The following LHPP variants were observed in gnomAD, a reference collection of about 807,000 sequenced individuals.
LHPP encodes phospholysine phosphohistidine inorganic pyrophosphate phosphatase, also known as hLHPP.
Under a neutral mutation model 30.3 loss-of-function variants are expected in LHPP, and 24 were observed. The observed-to-expected ratio is 0.79, with a 90% CI of 0.57 to 1.11. The LOEUF (loss-of-function observed/expected upper bound fraction) is 1.11, where lower values mean the gene tolerates loss of function less well. Among genes scored for constraint, LHPP ranks in the 50% most tolerant of loss-of-function variants. The probability of loss-of-function intolerance (pLI) is 0.00; values close to 1 mark genes in which losing one functional copy is unlikely to be tolerated. For synonymous variants in LHPP, 150 were observed against 157.1 expected (o/e 0.95, Z 0.34); for missense variants, 356 against 367.2 (o/e 0.97, Z 0.25).
intron 5 of LHPP, among the ~76,000 whole-genome samples, chr10:124,506,901 GAGGATTTCAGGTTGGGGGGTAGAC>G (rs1217197828): frequency 3.1e-5 from 1 of 32,336 alleles, no homozygotes; most frequent in Admixed American, 3.0e-4. Flanking sequence ...GGGGGGTAGG[GAGGATTTCAGGTTGGGGGGTAGAC>G]AGGATTTCAG....
chr10:124,472,236 C>T (rs1409477864), intron 1 of LHPP, among the ~76,000 whole-genome samples: 1 of 152,026 alleles, frequency 6.6e-6, no homozygotes, highest in Non-Finnish European at 1.5e-5. Flanking sequence ...TTGCTTGAAC[C>T]CGAGAGGCAG....
chr10:124,543,778 T>A (rs1176389438), intron 6 of LHPP, among the ~76,000 whole-genome samples: 1 of 31,314 alleles, frequency 3.2e-5, no homozygotes, highest in Non-Finnish European at 5.7e-5. Flanking sequence ...AAAATTAATA[T>A]ATTTTTTTTT....
Position 124,517,034 on chromosome 10 carries a change from A to G in LHPP, c.625-146A>G. ...CAAGGTGGGTTGACTTTTAATCAAT[A>G]CGATGACAATATTATCTTGTTTAAT... On this transcript the variant is annotated intron_variant, in intron 5 of 6. Coordinates refer to ENST00000368842, the MANE Select transcript of LHPP (RefSeq NM_022126.4). This position sits in a 1 kb window ranked among gnomAD's most constrained non-coding sequence, Gnocchi z 4.1. The G allele has an allele frequency of 1.7e-6, 1 of 581,360 alleles. No homozygotes were observed. 36.0% of individuals were successfully genotyped at this position (581,360 alleles called of 1,614,324 possible). A position where few individuals can be genotyped will look rare whatever the true frequency, so the allele number is the denominator to read the frequency against.
At chr10:124,516,865 T>C (rs1954468400) in intron 5 of LHPP, among the ~76,000 whole-genome samples, 1 of 152,174 alleles carries the variant, frequency 6.6e-6, no homozygotes, top group African/African-American at 2.4e-5. Context: ...ATTTAGCCTG[T>C]GTTCCAGCAG....
rs11245314 is a variant in LHPP at position 124,608,639 on chromosome 10, G to C, written c.717-4625G>C. Among the ~76,000 whole-genome samples the C allele has an allele frequency of 3.3e-5, 5 of 152,172 alleles. No individual in the cohort carries two copies. The South Asian group carries it at 1.0e-3, about 32-fold the overall frequency. Reference sequence around the variant, plus strand: ...CAGAGAGGTGTTTTGCCAGGGGGCTGATTTACTGAGCTAGCCAGCCGTTCT... The same window carrying C: ...CAGAGAGGTGTTTTGCCAGGGGGCTCATTTACTGAGCTAGCCAGCCGTTCT... On this transcript the variant is annotated intron_variant, in intron 6 of 6. Transcript: ENST00000368842.
intron 6 of LHPP, among the ~76,000 whole-genome samples, chr10:124,601,685 C>T (rs1045494719): frequency 6.6e-6 from 1 of 152,230 alleles, no homozygotes; most frequent in African/African-American, 2.4e-5. Flanking sequence ...CCTGGCTAAA[C>T]CCAGCCGTAA....
chr10:124,544,721 C>T (rs1227023138), intron 6 of LHPP, among the ~76,000 whole-genome samples: 2 of 152,188 alleles, frequency 1.3e-5, no homozygotes, highest in African/African-American at 4.8e-5. Context: ...CCTCGGTGTT[C>T]TCGTCTCTGA....
At chr10:124,577,032 G>C (rs1299763624) in intron 6 of LHPP, among the ~76,000 whole-genome samples, 4 of 152,218 alleles carry the variant, frequency 2.6e-5, no homozygotes, top group Non-Finnish European at 5.9e-5. Flanking sequence ...GAATAATAGA[G>C]TCTACTGAGC....
intron 6 of LHPP, among the ~76,000 whole-genome samples, chr10:124,558,238 C>T (rs1948334847): frequency 6.6e-6 from 1 of 152,148 alleles, no homozygotes; most frequent in Non-Finnish European, 1.5e-5. Flanking sequence ...GGAAAGGCTG[C>T]CTGTGGCCTC....
chr10:124,485,744 G>A (rs1450601677), intron 2 of LHPP, among the ~76,000 whole-genome samples: 1 of 152,052 alleles, frequency 6.6e-6, no homozygotes, highest in Admixed American at 6.6e-5. Flanking sequence ...GGGGTTACAG[G>A]TGTGTGCCAC....
chr10:124,613,431 C>T lies in LHPP; in HGVS notation c.*71C>T. On this transcript the variant is annotated 3_prime_UTR_variant, in exon 7 of 7. Transcript: ENST00000368842. Reference sequence around the variant, plus strand: ...CACCCCTGCCTCCCCTCCACCCCTGCCTCTCCTCCACCCGCCCAGGAGAGC... The same window carrying T: ...CACCCCTGCCTCCCCTCCACCCCTGTCTCTCCTCCACCCGCCCAGGAGAGC... 9.3e-6 allele frequency: 10 copies of T among 1,075,698 alleles called. No homozygotes were observed. The highest frequency in any genetic ancestry group is 2.4e-5 in the East Asian group (1 of 40,914). 66.6% of individuals were successfully genotyped at this position (1,075,698 alleles called of 1,614,324 possible).
intron 6 of LHPP, among the ~76,000 whole-genome samples, chr10:124,531,746 T>G (rs1954906931): frequency 6.6e-6 from 1 of 152,246 alleles, no homozygotes; most frequent in Non-Finnish European, 1.5e-5. Context: ...AACCTTGACC[T>G]CTTGTTTAAT....
chr10:124,555,723 A>G (rs1331212189), intron 6 of LHPP, among the ~76,000 whole-genome samples: 3 of 152,168 alleles, frequency 2.0e-5, no homozygotes, highest in East Asian at 1.9e-4. Context: ...TACTTTGTCT[A>G]TCTTGACTGT....
At chr10:124,557,209 A>C (rs1948318225) in intron 6 of LHPP, among the ~76,000 whole-genome samples, 1 of 152,166 alleles carries the variant, frequency 6.6e-6, no homozygotes, top group Admixed American at 6.5e-5. Context: ...CTGTACCATG[A>C]GGTGTTGGTG....
At chr10:124,583,620 G>A (rs540966014) in intron 6 of LHPP, among the ~76,000 whole-genome samples, 6 of 152,334 alleles carry the variant, frequency 3.9e-5, no homozygotes, top group African/African-American at 1.2e-4. Flanking sequence ...AGGCAAAGCA[G>A]GAGTAGGCAT....
chr10:124,472,880 G>C (rs1411694498), intron 1 of LHPP, among the ~76,000 whole-genome samples: 1 of 152,116 alleles, frequency 6.6e-6, no homozygotes, highest in African/African-American at 2.4e-5. Context: ...TTTGTTAAGA[G>C]AAAACAAAGG....
intron 6 of LHPP, among the ~76,000 whole-genome samples, chr10:124,607,342 C>G (rs1949108229): frequency 6.6e-6 from 1 of 152,254 alleles, no homozygotes. Flanking sequence ...CTCCTGCCTA[C>G]CCCAGCTCCC....
intron 6 of LHPP, among the ~76,000 whole-genome samples, chr10:124,594,076 C>T (rs183584381): frequency 5.5e-4 from 84 of 152,264 alleles, no homozygotes; most frequent in African/African-American, 2.0e-3. Flanking sequence ...GGGGCTCCCA[C>T]CAGCACTTTG....
Position 124,517,042 on chromosome 10 carries a change from A to C in LHPP, c.625-138A>C. ...GTTGACTTTTAATCAATACGATGAC[A>C]ATATTATCTTGTTTAATTTGTATGA... On this transcript the variant is annotated intron_variant, in intron 5 of 6. Transcript: ENST00000368842. The surrounding 1 kb of genome is among the most constrained non-coding windows in gnomAD (Gnocchi z 4.1). The C allele has an allele frequency of 3.4e-6, 2 of 596,070 alleles. No homozygotes were observed. Among genetic ancestry groups the C allele is most frequent in the Non-Finnish European group, 5.8e-6 (2 of 344,432 alleles). The allele number at this position is 596,070 out of a possible 1,614,324, so 36.9% of individuals were successfully genotyped here. A position where few individuals can be genotyped will look rare whatever the true frequency, so the allele number is the denominator to read the frequency against.
Sources: allele counts gnomAD v4.1 joint callset (sites outside exome capture counted in the v4.1 genomes callset), GRCh38; gene constraint gnomAD v4.1.1; non-coding constraint Gnocchi (gnomAD v3.1); transcripts MANE v1.5; gene names NCBI Gene and HGNC (gene_info 2026-07-23, HGNC 2026-07-21).